Variants in BACH2 observed in about 807,000 individuals in gnomAD.
BACH2 encodes transcription regulator protein BACH2.
BACH2 carries 5 observed loss-of-function variants against 61.8 expected under a neutral mutation model. That is an observed-to-expected ratio of 0.08 (90% CI 0.04 to 0.17). The LOEUF (loss-of-function observed/expected upper bound fraction) is 0.17, where lower values mean the gene tolerates loss of function less well. BACH2 is among the 10% of genes least tolerant of loss of function. BACH2 has a pLI of 1.00. For missense variants in BACH2, 824 were observed against 1,091.1 expected, an observed-to-expected ratio of 0.76 and a Z score of 3.45; for synonymous variants, 446 against 440.1, an observed-to-expected ratio of 1.01 and a Z score of -0.17.
intron 3 of BACH2, among the ~76,000 whole-genome samples, chr6:90,213,156 G>A (rs888114048): frequency 2.0e-5 from 3 of 152,168 alleles, no homozygotes; most frequent in Non-Finnish European, 4.4e-5. Flanking sequence ...AGAATGAGAT[G>A]AGTGAAAGGT....
intron 3 of BACH2, among the ~76,000 whole-genome samples, chr6:90,233,320 C>T (rs1276482900): frequency 6.6e-6 from 1 of 152,192 alleles, no homozygotes; most frequent in Non-Finnish European, 1.5e-5. Flanking sequence ...GAGAATATCA[C>T]TTTGGCAGAT....
intron 3 of BACH2, among the ~76,000 whole-genome samples, chr6:90,209,767 T>G (rs963955352): frequency 6.6e-6 from 1 of 152,154 alleles, no homozygotes; most frequent in African/African-American, 2.4e-5. Context: ...ACGGATCCCT[T>G]CCTGCCCCCG....
At chr6:90,226,916 C>T (rs529615304) in intron 3 of BACH2, among the ~76,000 whole-genome samples, 1 of 152,308 alleles carries the variant, frequency 6.6e-6, no homozygotes, top group Non-Finnish European at 1.5e-5. Flanking sequence ...TAACATCTTG[C>T]ACTCTCAAAA....
chr6:89,996,733 C>T (rs945239952), intron 6 of BACH2, among the ~76,000 whole-genome samples: 6 of 152,170 alleles, frequency 3.9e-5, no homozygotes, highest in Non-Finnish European at 5.9e-5. Flanking sequence ...GTCCTTCCCT[C>T]CACCTGAACC....
chr6:89,952,862 T>C lies in BACH2; in HGVS notation c.244-1000A>G, dbSNP rs368143347. ...TTAAGAATATGTTGCCTAAGGCCAA[T>C]TGTTTTTTCAGATGGAAATGGATTA... is the stretch of plus-strand genomic sequence containing the variant. On this transcript the variant is annotated intron_variant, in intron 6 of 8. Transcript: ENST00000257749. The C allele has an allele frequency of 9.8e-5, 15 of 152,342 alleles. 1 individual carries two copies. Among genetic ancestry groups the C allele is most frequent in the African/African-American group, 3.6e-4 (15 of 41,580 alleles). The allele number at this position is 152,342 out of a possible 1,614,324, so 9.4% of individuals were successfully genotyped here. A position where few individuals can be genotyped will look rare whatever the true frequency, so the allele number is the denominator to read the frequency against.
intron 2 of BACH2, among the ~76,000 whole-genome samples, chr6:90,262,381 G>A (rs930230216): frequency 6.6e-6 from 1 of 152,110 alleles, no homozygotes; most frequent in African/African-American, 2.4e-5. Flanking sequence ...TATCTGTGGA[G>A]CCCCTTCCCA....
chr6:90,162,866 C>T (rs377183381), intron 4 of BACH2, among the ~76,000 whole-genome samples: 8 of 152,276 alleles, frequency 5.3e-5, no homozygotes, highest in African/African-American at 1.9e-4. Flanking sequence ...AGTAATTACG[C>T]TACACACTCT....
intron 2 of BACH2, among the ~76,000 whole-genome samples, chr6:90,258,717 T>C (rs1488051995): frequency 6.6e-6 from 1 of 152,182 alleles, no homozygotes; most frequent in Non-Finnish European, 1.5e-5. Context: ...CTTTCCATTT[T>C]TTTGTGCTTA....
rs1769249250 is a variant in BACH2 at position 90,209,031 on chromosome 6, C to T, written c.-274-2350G>A. ...GAACATATGGACACAGGGAGGGGAA[C>T]ATCATACACCAGGGCCTGTCGGGGG... On this transcript the variant is annotated intron_variant, in intron 3 of 8. Transcript: ENST00000257749. Among the ~76,000 whole-genome samples, 11 of 120,814 alleles carry T rather than the reference C, an allele frequency of 9.1e-5. No homozygotes were observed. In the Admixed American group the frequency reaches 1.2e-3, roughly 13 times the overall value. 79.3% of individuals were successfully genotyped at this position (120,814 alleles called of 152,430 possible). A position where few individuals can be genotyped will look rare whatever the true frequency, so the allele number is the denominator to read the frequency against.
rs1252717047 is a variant in BACH2 at position 90,102,836 on chromosome 6, TAATAAA to T, written c.-161-13733_-161-13728del. On this transcript the variant is annotated intron_variant, in intron 4 of 8. Coordinates refer to ENST00000257749, the MANE Select transcript of BACH2 (RefSeq NM_021813.4). ...ATAATAATAATAATAATAATAATAA[TAATAAA>T]AATAAAAGGACCTTCCATTCAGTTA... Among the ~76,000 whole-genome samples, 35 of 106,852 alleles carry T rather than the reference TAATAAA, an allele frequency of 3.3e-4. 1 individual carries two copies. The highest frequency in any genetic ancestry group is 1.9e-3 in the Admixed American group (19 of 9,964). 70.1% of individuals were successfully genotyped at this position (106,852 alleles called of 152,430 possible).
intron 5 of BACH2, among the ~76,000 whole-genome samples, chr6:90,059,502 T>C (rs866578127): frequency 0.016 from 2,487 of 152,192 alleles, 68 homozygotes; most frequent in African/African-American, 0.055. Flanking sequence ...TGTGGAGAAA[T>C]AGGAACACTT....
At chr6:89,980,322 A>G (rs753202761) in intron 6 of BACH2, among the ~76,000 whole-genome samples, 35 of 151,650 alleles carry the variant, frequency 2.3e-4, no homozygotes, top group Admixed American at 5.2e-4. Context: ...GTTTTAGGGG[A>G]CGATCCTCAT....
chr6:90,182,170 TCAC>T (rs780377240), intron 4 of BACH2, among the ~76,000 whole-genome samples: 13 of 152,194 alleles, frequency 8.5e-5, no homozygotes, highest in Non-Finnish European at 1.9e-4. Flanking sequence ...ATAATTTTAA[TCAC>T]CACTGCTAAG....
intron 3 of BACH2, among the ~76,000 whole-genome samples, chr6:90,209,651 C>T (rs1769274663): frequency 6.6e-6 from 1 of 152,166 alleles, no homozygotes; most frequent in Non-Finnish European, 1.5e-5. Context: ...TAATAACAGA[C>T]AAGGATTCTT....
rs1780633874 is a variant in BACH2, at chr6:90,060,592, T to G, written c.-13+28369A>C. On this transcript the variant is annotated intron_variant, in intron 5 of 8. Coordinates refer to ENST00000257749, the MANE Select transcript of BACH2 (RefSeq NM_021813.4). ...TATATAAGGTAGTCTAGTTTCTTCT[T>G]ATCTGATACTTCAAACATCTAAAGC... Among the ~76,000 whole-genome samples the G allele has an allele frequency of 2.6e-5, 4 of 152,210 alleles. No homozygotes were observed. In the South Asian group the frequency reaches 8.3e-4, roughly 32 times the overall value.
intron 4 of BACH2, among the ~76,000 whole-genome samples, chr6:90,170,421 C>G (rs76973369): frequency 0.011 from 1,673 of 152,206 alleles, 41 homozygotes; most frequent in African/African-American, 0.038. Context: ...TCAGTAGGAG[C>G]AAGAATTTTT....
At chr6:90,201,127 T>C (rs1768943115) in intron 4 of BACH2, among the ~76,000 whole-genome samples, 1 of 152,210 alleles carries the variant, frequency 6.6e-6, no homozygotes, top group African/African-American at 2.4e-5. Flanking sequence ...TATTCAAAAA[T>C]TACTATTTTA....
chr6:90,070,997 T>G (rs981860484), intron 5 of BACH2, among the ~76,000 whole-genome samples: 2 of 152,302 alleles, frequency 1.3e-5, no homozygotes, highest in East Asian at 1.9e-4. Flanking sequence ...TTTGTTTTTT[T>G]GGGGGGAAGT....
At chr6:90,164,283 C>A (rs934132868) in intron 4 of BACH2, among the ~76,000 whole-genome samples, 1 of 152,216 alleles carries the variant, frequency 6.6e-6, no homozygotes, top group Non-Finnish European at 1.5e-5. Context: ...ATACTACAAA[C>A]ATCTCTACGC....
Sources: gnomAD v4.1 joint callset for allele counts (sites outside exome capture counted in the v4.1 genomes callset) on GRCh38, gnomAD v4.1.1 for gene constraint, MANE v1.5 for transcripts, NCBI Gene and HGNC (gene_info 2026-07-23, HGNC 2026-07-21) for gene names.